Variants in HTR1E observed in about 807,000 individuals in gnomAD.
HTR1E encodes the protein 5-HT-1E.
HTR1E carries 3 observed loss-of-function variants against 3.4 expected under a neutral mutation model. The ratio of observed to expected loss-of-function variants is 0.89; its 90% CI spans 0.41 to 2.31. The LOEUF (loss-of-function observed/expected upper bound fraction) is 2.31, where lower values mean the gene tolerates loss of function less well. Among genes scored for constraint, HTR1E ranks in the 30% most tolerant of loss-of-function variants. The pLI, the probability that HTR1E is intolerant of heterozygous loss-of-function variation, is 0.05. For synonymous variants in HTR1E, 170 were observed against 182.8 expected (o/e 0.93, Z 0.56); for missense variants, 392 against 467.0 (o/e 0.84, Z 1.48).
intron 1 of HTR1E, among the ~76,000 whole-genome samples, chr6:86,984,430 T>C (rs55853783): frequency 0.04 from 6,035 of 152,252 alleles, 156 homozygotes; most frequent in African/African-American, 0.045. Flanking sequence ...AGAGCAACTC[T>C]TTCTGGCCTG....
chr6:86,944,307 T>C (rs1018138923), intron 1 of HTR1E, among the ~76,000 whole-genome samples: 5 of 152,150 alleles, frequency 3.3e-5, no homozygotes, highest in Non-Finnish European at 7.4e-5. Context: ...GTGGGAGGAA[T>C]ACCTACAGGA....
intron 1 of HTR1E, among the ~76,000 whole-genome samples, chr6:86,955,070 A>C (rs1244992721): frequency 2.0e-5 from 3 of 151,906 alleles, no homozygotes; most frequent in African/African-American, 7.3e-5. Context: ...ACTTTTCTAC[A>C]CTTCCCAGAG....
At chr6:86,987,108 TC>T (rs1767799812) in intron 1 of HTR1E, among the ~76,000 whole-genome samples, 1 of 151,962 alleles carries the variant, frequency 6.6e-6, no homozygotes, top group African/African-American at 2.4e-5. Flanking sequence ...GAATGCATGC[TC>T]CCCAACCCCT....
intron 1 of HTR1E, among the ~76,000 whole-genome samples, chr6:86,955,046 T>A (rs946629170): frequency 6.6e-6 from 1 of 152,098 alleles, no homozygotes; most frequent in Non-Finnish European, 1.5e-5. Flanking sequence ...TCCCAGTTCT[T>A]ATGACTTTAC....
intron 1 of HTR1E, among the ~76,000 whole-genome samples, chr6:86,958,296 G>C (rs574461976): frequency 5.3e-5 from 8 of 152,066 alleles, no homozygotes; most frequent in Non-Finnish European, 7.4e-5. Flanking sequence ...CTGACCTCGT[G>C]ATCTGCCCAC....
In HTR1E at chr6:87,015,183, C is replaced by G. The variant is rs1582288389; in HGVS notation, c.-152C>G. ...ACTCAGAAGAAATGCTGTGGCCCTT[C>G]CCTTTACCAACAGAAAATGGAACAC... is the stretch of plus-strand genomic sequence containing the variant. On this transcript the variant is annotated 5_prime_UTR_variant, in exon 2 of 2. Transcript: ENST00000305344. 1 of 485,326 alleles carries G rather than the reference C, an allele frequency of 2.1e-6. No individual in the cohort carries two copies. The highest frequency in any genetic ancestry group is 3.4e-6 in the Non-Finnish European group (1 of 292,964). The allele number at this position is 485,326 out of a possible 1,614,324, so 30.1% of individuals were successfully genotyped here.
chr6:87,005,993 G>T (rs1476163133), intron 1 of HTR1E, among the ~76,000 whole-genome samples: 1 of 152,134 alleles, frequency 6.6e-6, no homozygotes, highest in African/African-American at 2.4e-5. Context: ...CAATATCACT[G>T]ATCATCAGAT....
At chr6:86,970,872 T>C (rs1472069801) in intron 1 of HTR1E, 2 of 274,458 alleles carry the variant, frequency 7.3e-6, no homozygotes, top group Non-Finnish European at 1.4e-5. Context: ...GAGCCACATA[T>C]TGCATCAGGG....
chr6:86,943,003 G>C (rs1474930742), intron 1 of HTR1E, among the ~76,000 whole-genome samples: 1 of 152,156 alleles, frequency 6.6e-6, no homozygotes, highest in East Asian at 1.9e-4. Flanking sequence ...GTCCAGCCGG[G>C]TCCCATTGGC....
intron 1 of HTR1E, among the ~76,000 whole-genome samples, chr6:87,006,452 T>C (rs1352942170): frequency 1.3e-5 from 2 of 152,114 alleles, no homozygotes; most frequent in African/African-American, 4.8e-5. Flanking sequence ...TGTGGAGAAA[T>C]AGGAATGCTT....
At chr6:86,961,164 T>C (rs1377858786) in intron 1 of HTR1E, among the ~76,000 whole-genome samples, 3 of 152,222 alleles carry the variant, frequency 2.0e-5, no homozygotes, top group East Asian at 1.9e-4. Context: ...TCTTTTTTGA[T>C]ATTTTTTCTG....
rs1455225008 is a variant in HTR1E, at chr6:87,016,300, C to T, written c.966C>T (p.Ser322=). ...LIVGLSIYTV[S]SEVADFLTWL... is the part of the protein sequence containing the mutation. ...TGGGTCTGAGCATCTACACCGTGTC[C>T]TCGGAAGTGGCCGACTTTCTGACGT... The change falls in exon 2 of 2, where the codon TCC becomes TCT. Residue 322 remains serine (S), a synonymous_variant. Transcript: ENST00000305344. The T allele has an allele frequency of 6.2e-7, 1 of 1,614,156 alleles. No individual in the cohort carries two copies. The highest frequency in any genetic ancestry group is 1.7e-5 in the Admixed American group (1 of 60,022).
At chr6:86,960,726 C>G (rs537672424) in intron 1 of HTR1E, among the ~76,000 whole-genome samples, 1 of 152,320 alleles carries the variant, frequency 6.6e-6, no homozygotes, top group East Asian at 1.9e-4. Flanking sequence ...GGACAAGTCA[C>G]GTAACCCTAA....
intron 1 of HTR1E, among the ~76,000 whole-genome samples, chr6:86,962,699 G>A (rs979648172): frequency 6.6e-6 from 1 of 152,106 alleles, no homozygotes; most frequent in Admixed American, 6.5e-5. Flanking sequence ...TTAGCCGGGT[G>A]TAGTGGTGCA....
chr6:86,961,368 T>G (rs1767404386), intron 1 of HTR1E, among the ~76,000 whole-genome samples: 1 of 152,242 alleles, frequency 6.6e-6, no homozygotes, highest in Non-Finnish European at 1.5e-5. Flanking sequence ...AAAAGAATTT[T>G]TTTAATTTAA....
At chr6:86,953,383 T>C (rs1203798514) in intron 1 of HTR1E, among the ~76,000 whole-genome samples, 1 of 152,204 alleles carries the variant, frequency 6.6e-6, no homozygotes, top group Non-Finnish European at 1.5e-5. Context: ...TGGGTAGTTT[T>C]CTCTGCTGAG....
chr6:87,012,578 C>T (rs2127833881), intron 1 of HTR1E, among the ~76,000 whole-genome samples: 1 of 152,208 alleles, frequency 6.6e-6, no homozygotes. Flanking sequence ...AAAGAAAGAA[C>T]AAAATTAAGT....
At chr6:86,990,357 G>A (rs773209096) in intron 1 of HTR1E, among the ~76,000 whole-genome samples, 4 of 152,238 alleles carry the variant, frequency 2.6e-5, no homozygotes, top group Middle Eastern at 3.4e-3. Context: ...TGATGTATTT[G>A]CCTTCAATGG....
chr6:86,945,470 C>T (rs746970213), intron 1 of HTR1E, among the ~76,000 whole-genome samples: 2 of 151,860 alleles, frequency 1.3e-5, no homozygotes, highest in Admixed American at 6.6e-5. Context: ...CTTGAACCCC[C>T]GACCTCAAAT....
Sources: allele counts gnomAD v4.1 joint callset (sites outside exome capture counted in the v4.1 genomes callset), GRCh38; gene constraint gnomAD v4.1.1; transcripts MANE v1.5; gene names NCBI Gene and HGNC (gene_info 2026-07-23, HGNC 2026-07-21).